The following SYBU variants were observed in gnomAD, a reference collection of about 807,000 sequenced individuals.
The protein encoded by SYBU is syntabulin.
Under a neutral mutation model 35.9 loss-of-function variants are expected in SYBU, and 21 were observed. The observed-to-expected ratio is 0.58, with a 90% CI of 0.41 to 0.84. The LOEUF (loss-of-function observed/expected upper bound fraction) is 0.84. Ranked by LOEUF, SYBU falls within the 40% of genes least tolerant of loss-of-function variation. The pLI is 0.00. For missense variants in SYBU, 768 were observed against 848.2 expected (o/e 0.91, Z 1.17); for synonymous variants, 319 against 324.3 (o/e 0.98, Z 0.18).
At chr8:109,594,831 CCTCT>C (rs1396610009) in intron 3 of SYBU, among the ~76,000 whole-genome samples, 1 of 152,214 alleles carries the variant, frequency 6.6e-6, no homozygotes, top group Non-Finnish European at 1.5e-5. Context: ...CTTTCACCCT[CCTCT>C]CTCTTTCTCA....
chr8:109,686,615 T>C (rs1425768480), intron 1 of SYBU, among the ~76,000 whole-genome samples: 1 of 152,178 alleles, frequency 6.6e-6, no homozygotes, highest in South Asian at 2.1e-4. Context: ...AGGTTAATAT[T>C]ACCTTCCACC....
intron 1 of SYBU, 195 bp from the exon 2 acceptor site, chr8:109,643,127 G>T: frequency 1.5e-6 from 2 of 1,314,004 alleles, no homozygotes; most frequent in Non-Finnish European, 9.6e-7. Context: ...CTAATCTACT[G>T]AATAGCACAT....
intron 3 of SYBU, among the ~76,000 whole-genome samples, chr8:109,611,960 A>T (rs1375063953): frequency 1.3e-5 from 2 of 152,182 alleles, no homozygotes; most frequent in African/African-American, 4.8e-5. Flanking sequence ...CTCTACCAAC[A>T]TTTTAAAAAA....
rs529068957 is a variant in SYBU at position 109,628,280 on chromosome 8, G to C, written c.230-9241C>G. ...CCCAGCACTTTTGGGAGGCCAAGGT[G>C]AGAGGATAGCTTGAGGACAGGAGTT... On this transcript the variant is annotated intron_variant, in intron 2 of 6. Transcript: ENST00000276646. 9.8e-4 allele frequency among the ~76,000 whole-genome samples: 149 copies of C among 152,086 alleles called. 3 individuals are homozygous for C. Among genetic ancestry groups the C allele is most frequent in the Middle Eastern group, 3.2e-3 (1 of 314 alleles).
At chr8:109,656,129 AT>A (rs1397315292) in intron 1 of SYBU, among the ~76,000 whole-genome samples, 1 of 149,094 alleles carries the variant, frequency 6.7e-6, no homozygotes, top group Non-Finnish European at 1.5e-5. Context: ...AAAAAAAAAA[AT>A]TACACACCAT....
chr8:109,630,881 C>T (rs1211571324), intron 2 of SYBU, among the ~76,000 whole-genome samples: 1 of 152,094 alleles, frequency 6.6e-6, no homozygotes, highest in East Asian at 1.9e-4. Flanking sequence ...GGATACAAGC[C>T]CTTGGGGAGG....
At chr8:109,599,877 C>T (rs1825322973) in intron 3 of SYBU, among the ~76,000 whole-genome samples, 1 of 152,168 alleles carries the variant, frequency 6.6e-6, no homozygotes, top group Non-Finnish European at 1.5e-5. Flanking sequence ...TTCACAGTTT[C>T]CTGAAGGAGG....
chr8:109,580,123 T>C, intron 4 of SYBU, 121 bp from the exon 5 acceptor site: 3 of 924,600 alleles, frequency 3.2e-6, no homozygotes, highest in Non-Finnish European at 3.4e-6. Flanking sequence ...AATACAATTA[T>C]TCGTGTAGAC....
intron 4 of SYBU, among the ~76,000 whole-genome samples, chr8:109,585,533 G>T (rs1243530529): frequency 2.0e-5 from 3 of 152,164 alleles, no homozygotes; most frequent in Non-Finnish European, 4.4e-5. Flanking sequence ...CACCCAGCTG[G>T]TGTGCTCTAT....
At chr8:109,593,420 G>A (rs1044854989) in intron 3 of SYBU, among the ~76,000 whole-genome samples, 3 of 152,196 alleles carry the variant, frequency 2.0e-5, no homozygotes, top group African/African-American at 7.2e-5. Context: ...AGAAACACTT[G>A]CCTGGAGTGA....
At position 109,623,717 on chromosome 8, in the gene SYBU, TTCTTTAAAAA is replaced by T. The variant is rs550631158; in HGVS notation, c.230-4688_230-4679del. 4.1e-3 allele frequency among the ~76,000 whole-genome samples: 627 copies of T among 152,280 alleles called. 4 individuals are homozygous for T. The highest frequency in any genetic ancestry group is 7.0e-3 in the Non-Finnish European group (476 of 68,016). On this transcript the variant is annotated intron_variant, in intron 2 of 6. Coordinates refer to ENST00000276646, the MANE Select transcript of SYBU (RefSeq NM_001099754.2). ...TAATTCTGAAAAATATGTGCCTAAG[TTCTTTAAAAA>T]TACTTTGAATCTCATTTTAAATGTA...
chr8:109,579,732 CTTTTTTA>C (rs1822789314), intron 5 of SYBU, 60 bp downstream of exon 5: 1 of 1,402,076 alleles, frequency 7.1e-7, no homozygotes, highest in East Asian at 2.3e-5. Context: ...TTTTTTTTTT[CTTTTTTA>C]AAGAAAAGCT....
At chr8:109,685,533 A>G (rs904894981), upstream of SYBU, among the ~76,000 whole-genome samples, 3 of 152,258 alleles carry the variant, frequency 2.0e-5, no homozygotes, top group Admixed American at 6.5e-5. Flanking sequence ...CGGTCCCTCA[A>G]TGACCTTAAA....
chr8:109,639,719 A>G (rs1814639730), intron 2 of SYBU, among the ~76,000 whole-genome samples: 1 of 152,208 alleles, frequency 6.6e-6, no homozygotes, highest in South Asian at 2.1e-4. Flanking sequence ...CCGTGATTAA[A>G]CAACGAACAC....
chr8:109,577,739 T>C (rs1586718275), intron 6 of SYBU, 129 bp downstream of exon 6: 2 of 1,060,306 alleles, frequency 1.9e-6, no homozygotes, highest in East Asian at 5.1e-5. Context: ...AGAGGCTGAC[T>C]TTAAAAATTT....
chr8:109,688,771 T>TAAA (rs370179411), intron 1 of SYBU, among the ~76,000 whole-genome samples: 3 of 137,502 alleles, frequency 2.2e-5, no homozygotes, highest in African/African-American at 8.2e-5. Flanking sequence ...TTTACACAGA[T>TAAA]AAAAAAAAAA....
chr8:109,602,316 T>A (rs1245540082), intron 3 of SYBU, among the ~76,000 whole-genome samples: 1 of 151,878 alleles, frequency 6.6e-6, no homozygotes, highest in African/African-American at 2.4e-5. Context: ...CTCAATCAAA[T>A]GAAAAGAACA....
intron 6 of SYBU, among the ~76,000 whole-genome samples, chr8:109,577,051 A>G (rs1822405624): frequency 6.6e-6 from 1 of 152,190 alleles, no homozygotes; most frequent in Non-Finnish European, 1.5e-5. Context: ...GATGAGCCAG[A>G]TTAATTCGGA....
intron 3 of SYBU, among the ~76,000 whole-genome samples, chr8:109,596,704 G>A (rs1304852322): frequency 6.6e-6 from 1 of 152,136 alleles, no homozygotes; most frequent in African/African-American, 2.4e-5. Context: ...CATAATATTA[G>A]AGTGTGTGAT....
Sources: gnomAD v4.1 joint callset for allele counts (sites outside exome capture counted in the v4.1 genomes callset) on GRCh38, gnomAD v4.1.1 for gene constraint, MANE v1.5 for transcripts, NCBI Gene and HGNC (gene_info 2026-07-23, HGNC 2026-07-21) for gene names.